DLG2: variants seen among roughly 807,000 people sequenced by gnomAD.
DLG2 encodes discs large MAGUK scaffold protein 2, also known as disks large homolog 2.
In DLG2, 45 loss-of-function variants were observed where a neutral mutation model predicts 132.5. The ratio of observed to expected loss-of-function variants is 0.34; its 90% CI spans 0.27 to 0.44. DLG2 has a LOEUF of 0.44. Ranked by LOEUF, DLG2 falls within the 20% of genes least tolerant of loss-of-function variation. The pLI is 1.00. For missense variants in DLG2, 1,045 were observed against 1,196.9 expected, an observed-to-expected ratio of 0.87 and a Z score of 1.87; for synonymous variants, 424 against 419.6, an observed-to-expected ratio of 1.01 and a Z score of -0.13.
chr11:84,982,306 G>T (rs2055872559), intron 6 of DLG2, among the ~76,000 whole-genome samples: 1 of 151,906 alleles, frequency 6.6e-6, no homozygotes, highest in Non-Finnish European at 1.5e-5. Context: ...CATACATCAT[G>T]CCTAATACTA....
intron 19 of DLG2, among the ~76,000 whole-genome samples, chr11:83,544,523 C>T (rs1592855658): frequency 1.3e-5 from 2 of 152,058 alleles, no homozygotes; most frequent in African/African-American, 4.8e-5. Context: ...TTAGTGGCAG[C>T]AACCTAGGAC....
chr11:84,741,445 C>A (rs2064656968), intron 6 of DLG2, among the ~76,000 whole-genome samples: 1 of 152,020 alleles, frequency 6.6e-6, no homozygotes, highest in African/African-American at 2.4e-5. Context: ...TATACACGTA[C>A]CCTTGATCTA....
intron 6 of DLG2, among the ~76,000 whole-genome samples, chr11:84,859,189 A>C (rs1377774632): frequency 1.3e-5 from 2 of 151,412 alleles, no homozygotes; most frequent in Admixed American, 6.6e-5. Context: ...CCCCTGAAAA[A>C]GTATAAAATG....
chr11:83,603,307 A>G (rs2058844341), intron 19 of DLG2, among the ~76,000 whole-genome samples: 1 of 152,184 alleles, frequency 6.6e-6, no homozygotes, highest in African/African-American at 2.4e-5. Context: ...AAATTAGGGT[A>G]AATCATCCTC....
At chr11:84,912,246 C>G (rs572748820) in intron 6 of DLG2, among the ~76,000 whole-genome samples, 1 of 152,358 alleles carries the variant, frequency 6.6e-6, no homozygotes, top group East Asian at 1.9e-4. Flanking sequence ...AGCGCCACCT[C>G]CTGGGTTCAC....
At chr11:83,750,448 CT>C (rs1476696589) in intron 18 of DLG2, among the ~76,000 whole-genome samples, 1 of 152,144 alleles carries the variant, frequency 6.6e-6, no homozygotes, top group African/African-American at 2.4e-5. Context: ...AATAATAGGA[CT>C]TTTCGATTAG....
At chr11:83,996,377 T>C (rs1482729200) in intron 11 of DLG2, among the ~76,000 whole-genome samples, 2 of 152,198 alleles carry the variant, frequency 1.3e-5, no homozygotes, top group African/African-American at 2.4e-5. Flanking sequence ...GTTGGTGGAA[T>C]GTAAATTAGT....
At chr11:83,571,930 G>C (rs2096803264) in intron 19 of DLG2, among the ~76,000 whole-genome samples, 1 of 151,896 alleles carries the variant, frequency 6.6e-6, no homozygotes, top group Non-Finnish European at 1.5e-5. Context: ...ATAATAATAT[G>C]GAGAAATGAT....
chr11:85,122,940 G>GCATATATATTATATATA (rs2074511730), intron 5 of DLG2, among the ~76,000 whole-genome samples: 1 of 47,684 alleles, frequency 2.1e-5, no homozygotes, highest in Non-Finnish European at 3.9e-5. Context: ...ATGTGTGTCT[G>GCATATATATTATATATA]TATATATATT....
intron 3 of DLG2, among the ~76,000 whole-genome samples, chr11:85,368,557 G>A (rs1360786180): frequency 6.6e-6 from 1 of 152,154 alleles, no homozygotes; most frequent in African/African-American, 2.4e-5. Flanking sequence ...ATCTTCTGAT[G>A]CATCTTCCTA....
intron 17 of DLG2, among the ~76,000 whole-genome samples, chr11:83,826,400 G>A (rs1268054808): frequency 1.3e-5 from 2 of 152,186 alleles, no homozygotes; most frequent in Admixed American, 6.5e-5. Flanking sequence ...TGAGCAGTGA[G>A]TTCTGAGCTG....
intron 18 of DLG2, among the ~76,000 whole-genome samples, chr11:83,715,741 A>G (rs2086546070): frequency 6.6e-6 from 1 of 152,168 alleles, no homozygotes; most frequent in Non-Finnish European, 1.5e-5. Flanking sequence ...GCCCGACCAG[A>G]TACTCATCTA....
At chr11:85,101,093 C>G (rs183429617) in intron 6 of DLG2, among the ~76,000 whole-genome samples, 4 of 152,178 alleles carry the variant, frequency 2.6e-5, no homozygotes, top group Admixed American at 2.6e-4. Context: ...TGCCCCAGAA[C>G]CAAATTATAT....
chr11:84,879,171 G>A (rs1277539789), intron 6 of DLG2, among the ~76,000 whole-genome samples: 2 of 152,052 alleles, frequency 1.3e-5, no homozygotes, highest in African/African-American at 2.4e-5. Flanking sequence ...CGGAGTCTCT[G>A]TCAATCACTC....
chr11:84,064,546 G>A (rs1192108822), intron 10 of DLG2, among the ~76,000 whole-genome samples: 1 of 152,176 alleles, frequency 6.6e-6, no homozygotes, highest in Non-Finnish European at 1.5e-5. Context: ...TAGGGATAAT[G>A]AGATTGTTAT....
chr11:84,162,710 A>C (rs2095574141), intron 9 of DLG2, among the ~76,000 whole-genome samples: 1 of 152,164 alleles, frequency 6.6e-6, no homozygotes, highest in Non-Finnish European at 1.5e-5. Flanking sequence ...TCTCACTGGC[A>C]TTGAATATTC....
intron 21 of DLG2, among the ~76,000 whole-genome samples, chr11:83,530,147 T>A (rs908144804): frequency 6.6e-6 from 1 of 152,008 alleles, no homozygotes; most frequent in Non-Finnish European, 1.5e-5. Context: ...AAGAGGTCTA[T>A]CCTTAAATTC....
intron 6 of DLG2, among the ~76,000 whole-genome samples, chr11:84,889,866 T>C (rs1038056094): frequency 5.3e-5 from 8 of 152,098 alleles, no homozygotes; most frequent in African/African-American, 1.9e-4. Context: ...AAGTCTCGAG[T>C]TTGCCAAGAC....
At chr11:84,901,291 G>C (rs539733738) in intron 6 of DLG2, among the ~76,000 whole-genome samples, 1 of 151,986 alleles carries the variant, frequency 6.6e-6, no homozygotes, top group Non-Finnish European at 1.5e-5. Context: ...GGCTTCAGGA[G>C]GGTCACAGGC....
Sources: allele counts gnomAD v4.1 joint callset (sites outside exome capture counted in the v4.1 genomes callset), GRCh38; gene constraint gnomAD v4.1.1; transcripts MANE v1.5; gene names NCBI Gene and HGNC (gene_info 2026-07-23, HGNC 2026-07-21).